Variants in ABLIM3 observed in about 807,000 individuals in gnomAD.
The protein encoded by ABLIM3 is actin binding LIM protein family member 3.
Under a neutral mutation model 109.5 loss-of-function variants are expected in ABLIM3, and 61 were observed. The ratio of observed to expected loss-of-function variants is 0.56; its 90% CI spans 0.45 to 0.69. The LOEUF (loss-of-function observed/expected upper bound fraction) is 0.69, where lower values mean the gene tolerates loss of function less well. Among genes scored for constraint, ABLIM3 ranks in the 30% least tolerant of loss-of-function variants. The pLI is 0.00. For missense variants in ABLIM3, 796 were observed against 889.5 expected (o/e 0.89, Z 1.34); for synonymous variants, 300 against 324.8 (o/e 0.92, Z 0.82).
At chr5:149,193,770 C>T (rs964590911) in intron 3 of ABLIM3, among the ~76,000 whole-genome samples, 4 of 152,148 alleles carry the variant, frequency 2.6e-5, no homozygotes, top group Non-Finnish European at 5.9e-5. Flanking sequence ...ACCAATGGAA[C>T]TGAATATAGA....
intron 3 of ABLIM3, among the ~76,000 whole-genome samples, chr5:149,193,001 G>A (rs550401299): frequency 1.4e-4 from 21 of 151,906 alleles, no homozygotes; most frequent in African/African-American, 4.8e-4. Context: ...AAATAAGAAG[G>A]AAAAATAACT....
chr5:149,175,640 A>G (rs1163071311), intron 2 of ABLIM3, among the ~76,000 whole-genome samples: 1 of 152,218 alleles, frequency 6.6e-6, no homozygotes, highest in African/African-American at 2.4e-5. Flanking sequence ...CCGGCAGCTG[A>G]AACTTCATTT....
intron 2 of ABLIM3, among the ~76,000 whole-genome samples, chr5:149,159,473 C>T (rs190119925): frequency 6.6e-6 from 1 of 152,276 alleles, no homozygotes; most frequent in Admixed American, 6.5e-5. Flanking sequence ...TTTGTCAAAA[C>T]TTATTGTATT....
intron 11 of ABLIM3, 50 bp downstream of exon 11, chr5:149,237,653 C>A: frequency 6.2e-7 from 1 of 1,606,396 alleles, no homozygotes. Flanking sequence ...AAGGAGATTG[C>A]TCTGGGGTCC....
intron 10 of ABLIM3, among the ~76,000 whole-genome samples, chr5:149,234,105 T>G (rs897197058): frequency 6.6e-6 from 1 of 152,162 alleles, no homozygotes; most frequent in Non-Finnish European, 1.5e-5. Flanking sequence ...CAATTGCAGT[T>G]ATAAATTCCA....
At chr5:149,227,504 G>A (rs1249098886) in intron 8 of ABLIM3, among the ~76,000 whole-genome samples, 1 of 152,162 alleles carries the variant, frequency 6.6e-6, no homozygotes, top group Non-Finnish European at 1.5e-5. Context: ...AACATTCCAA[G>A]AAAATAAATT....
chr5:149,210,416 A>C (rs1297780485), intron 6 of ABLIM3, among the ~76,000 whole-genome samples: 3 of 152,190 alleles, frequency 2.0e-5, no homozygotes, highest in African/African-American at 4.8e-5. Context: ...ACCAGCAACA[A>C]ATGTTAGTGG....
At chr5:149,250,561 C>T (rs2127572273) in intron 20 of ABLIM3, 56 bp downstream of exon 20, 3 of 1,585,880 alleles carry the variant, frequency 1.9e-6, no homozygotes, top group South Asian at 2.2e-5. Flanking sequence ...TGCTAATAAA[C>T]CCAACATTAG....
intron 10 of ABLIM3, among the ~76,000 whole-genome samples, chr5:149,235,354 C>A (rs544157944): frequency 3.3e-5 from 5 of 152,306 alleles, no homozygotes; most frequent in African/African-American, 9.6e-5. Context: ...TATCAGTGAA[C>A]CTGAAACGAG....
At chr5:149,197,678 C>T (rs540587621) in intron 3 of ABLIM3, among the ~76,000 whole-genome samples, 27 of 152,288 alleles carry the variant, frequency 1.8e-4, no homozygotes, top group African/African-American at 6.5e-4. Context: ...CTGCTCTTCA[C>T]CTGGCACAGA....
intron 8 of ABLIM3, among the ~76,000 whole-genome samples, chr5:149,222,700 AAGGTCCTGGTTTC>A (rs1760784372): frequency 1.4e-5 from 2 of 144,520 alleles, no homozygotes; most frequent in African/African-American, 5.2e-5. Context: ...CAGAGGATAC[AAGGTCCTGGTTTC>A]AGGAGCTGTG....
chr5:149,225,972 GTGTGTGTGTGTATA>G (rs1468435194), intron 8 of ABLIM3, among the ~76,000 whole-genome samples: 5 of 73,952 alleles, frequency 6.8e-5, no homozygotes, highest in South Asian at 4.5e-4. Flanking sequence ...GTGTGTGTGT[GTGTGTGTGTGTATA>G]TATATATATA....
intron 1 of ABLIM3, 168 bp from the exon 2 acceptor site, chr5:149,141,840 AC>A: frequency 1.8e-6 from 1 of 559,794 alleles, no homozygotes; most frequent in South Asian, 2.3e-5. Flanking sequence ...GAGCAGGAGG[AC>A]CGGGGCGCCG....
At chr5:149,219,365 CTA>C (rs1491103858) in intron 8 of ABLIM3, 1 of 152,244 alleles carries the variant, frequency 6.6e-6, no homozygotes, top group Non-Finnish European at 1.5e-5. Context: ...GCAGGAATTC[CTA>C]TGTTGGATTA....
chr5:149,222,776 A>T lies in ABLIM3; in HGVS notation c.757+5730A>T, dbSNP rs558001962. 1.1e-4 allele frequency among the ~76,000 whole-genome samples: 16 copies of T among 149,532 alleles called. 1 individual carries two copies. In the South Asian group the frequency reaches 3.4e-3, roughly 31 times the overall value. ...CAGAAAAGGTGCACTAAGCTGAGAG[A>T]TGTTCAAGTGAGGGCCTCCCATTGT... On this transcript the variant is annotated intron_variant, in intron 8 of 23. Coordinates refer to ENST00000309868, the MANE Select transcript of ABLIM3 (RefSeq NM_014945.5).
intron 10 of ABLIM3, among the ~76,000 whole-genome samples, chr5:149,234,366 T>A (rs1403915180): frequency 2.0e-5 from 3 of 152,082 alleles, no homozygotes; most frequent in Non-Finnish European, 4.4e-5. Flanking sequence ...AGACCAGAAA[T>A]GTGGGGAAAA....
chr5:149,219,203 T>C (rs10041770), intron 8 of ABLIM3: 9,570 of 152,260 alleles, frequency 0.063, 927 homozygotes, highest in African/African-American at 0.21. Context: ...TCTCTACCCA[T>C]TAGATGCCAA....
intron 2 of ABLIM3, among the ~76,000 whole-genome samples, chr5:149,170,258 C>CTCTCTCTCTCCT (rs879327813): frequency 1.1e-3 from 159 of 151,386 alleles, no homozygotes; most frequent in Non-Finnish European, 1.9e-3. Flanking sequence ...CTCTCTCTCT[C>CTCTCTCTCTCCT]TCTCTCCTTC....
intron 7 of ABLIM3, among the ~76,000 whole-genome samples, chr5:149,212,671 G>T (rs963717670): frequency 6.6e-6 from 1 of 152,156 alleles, no homozygotes. Context: ...GCTAAAAGTT[G>T]CACCAAAGAA....
Sources: allele counts gnomAD v4.1 joint callset (sites outside exome capture counted in the v4.1 genomes callset), GRCh38; gene constraint gnomAD v4.1.1; transcripts MANE v1.5; gene names NCBI Gene and HGNC (gene_info 2026-07-23, HGNC 2026-07-21).